Variants in PMM2 observed in about 807,000 individuals in gnomAD.
PMM2 encodes the protein mannose-6-phosphate isomerase.
PMM2 carries 35 observed loss-of-function variants against 33.2 expected under a neutral mutation model. That is an observed-to-expected ratio of 1.06 (90% CI 0.81 to 1.40). The LOEUF (loss-of-function observed/expected upper bound fraction) is 1.40. Among genes scored for constraint, PMM2 ranks in the 40% most tolerant of loss-of-function variants. PMM2 has a pLI of 0.00. For missense variants in PMM2, 386 were observed against 306.0 expected (o/e 1.26, Z -1.95); for synonymous variants, 153 against 114.7 (o/e 1.33, Z -2.13).
chr16:8,824,789 A>T (rs2060757377), intron 7 of PMM2, among the ~76,000 whole-genome samples: 1 of 152,154 alleles, frequency 6.6e-6, no homozygotes, highest in African/African-American at 2.4e-5. Flanking sequence ...TAACTCAAAC[A>T]TTTTGTAACA....
chr16:8,837,725 C>T (rs531956107), intron 7 of PMM2, among the ~76,000 whole-genome samples: 3 of 151,978 alleles, frequency 2.0e-5, no homozygotes, highest in South Asian at 2.1e-4. Flanking sequence ...GGTGTACTTG[C>T]CTCTCCGCCA....
At chr16:8,819,938 C>A (rs1464256333) in intron 7 of PMM2, among the ~76,000 whole-genome samples, 4 of 152,192 alleles carry the variant, frequency 2.6e-5, no homozygotes, top group Admixed American at 6.5e-5. Flanking sequence ...TCTCCTACAT[C>A]GCTTCTAACA....
intron 7 of PMM2, among the ~76,000 whole-genome samples, chr16:8,835,559 G>C (rs1314675040): frequency 6.6e-6 from 1 of 152,152 alleles, no homozygotes; most frequent in Admixed American, 6.5e-5. Flanking sequence ...ATTGAGGACA[G>C]GAGAGTATAT....
At chr16:8,807,296 C>T (rs1393693728) in intron 4 of PMM2, among the ~76,000 whole-genome samples, 1 of 152,010 alleles carries the variant, frequency 6.6e-6, no homozygotes, top group Non-Finnish European at 1.5e-5. Flanking sequence ...CGTGAGCCAC[C>T]TTGCCCAGCC....
chr16:8,837,205 G>C (rs1235047332), intron 7 of PMM2, among the ~76,000 whole-genome samples: 2 of 151,964 alleles, frequency 1.3e-5, no homozygotes, highest in African/African-American at 4.8e-5. Flanking sequence ...GGAAGGGACT[G>C]ATGTGTAAAA....
At chr16:8,822,311 T>C (rs2060743304) in intron 7 of PMM2, among the ~76,000 whole-genome samples, 1 of 152,188 alleles carries the variant, frequency 6.6e-6, no homozygotes, top group Non-Finnish European at 1.5e-5. Flanking sequence ...CTACAAAATA[T>C]CTCAGGCACA....
chr16:8,831,093 T>C (rs2060806927), intron 7 of PMM2, among the ~76,000 whole-genome samples: 1 of 151,498 alleles, frequency 6.6e-6, no homozygotes, highest in Non-Finnish European at 1.5e-5. Flanking sequence ...GAGCCGAGAG[T>C]GTGCCACTGC....
intron 7 of PMM2, among the ~76,000 whole-genome samples, chr16:8,816,272 G>A (rs1222861266): frequency 3.3e-5 from 5 of 151,848 alleles, no homozygotes; most frequent in Non-Finnish European, 7.4e-5. Flanking sequence ...GATTACAGGC[G>A]CCCGCCACCA....
chr16:8,812,780 T>C (rs1249358655), intron 6 of PMM2, among the ~76,000 whole-genome samples: 1 of 152,214 alleles, frequency 6.6e-6, no homozygotes, highest in Non-Finnish European at 1.5e-5. Flanking sequence ...GTGCCTCAAT[T>C]TTAGACCTAT....
At chr16:8,835,696 G>C (rs561177595) in intron 7 of PMM2, among the ~76,000 whole-genome samples, 207 of 152,100 alleles carry the variant, frequency 1.4e-3, no homozygotes, top group African/African-American at 4.7e-3. Context: ...AGAGTTTATA[G>C]GTTTTAAAAG....
chr16:8,803,784 A>T (rs192507551), intron 2 of PMM2, among the ~76,000 whole-genome samples: 1 of 151,660 alleles, frequency 6.6e-6, no homozygotes. Context: ...CCTGGGTTCA[A>T]GTGATTCGTG....
chr16:8,800,066 A>T (rs2060604199), intron 1 of PMM2, among the ~76,000 whole-genome samples: 1 of 152,166 alleles, frequency 6.6e-6, no homozygotes, highest in Admixed American at 6.5e-5. Context: ...ATTTCTAGTA[A>T]AAAGATATTC....
intron 7 of PMM2, among the ~76,000 whole-genome samples, chr16:8,846,552 T>G (rs1218060520): frequency 1.3e-5 from 2 of 152,012 alleles, no homozygotes; most frequent in Non-Finnish European, 2.9e-5. Flanking sequence ...GTGGGGGTGA[T>G]GGGGACACAG....
At chr16:8,818,013 C>T (rs185277469) in intron 7 of PMM2, among the ~76,000 whole-genome samples, 2 of 151,678 alleles carry the variant, frequency 1.3e-5, no homozygotes, top group Admixed American at 1.3e-4. Context: ...ACACCATTCT[C>T]CTGCCTCATC....
intron 6 of PMM2, among the ~76,000 whole-genome samples, chr16:8,812,336 C>A (rs2060682554): frequency 6.6e-6 from 1 of 152,206 alleles, no homozygotes; most frequent in East Asian, 1.9e-4. Context: ...CTGCCAAATG[C>A]TTTGCACACC....
intron 7 of PMM2, among the ~76,000 whole-genome samples, chr16:8,831,621 C>G (rs1001986479): frequency 2.6e-5 from 4 of 152,232 alleles, no homozygotes. Context: ...CCACTGCTAC[C>G]AGCGAAGCAG....
At chr16:8,828,682 C>T (rs1231700711) in intron 7 of PMM2, among the ~76,000 whole-genome samples, 1 of 152,162 alleles carries the variant, frequency 6.6e-6, no homozygotes, top group Non-Finnish European at 1.5e-5. Context: ...TTTGTTGGAG[C>T]AAAGTTTGGA....
chr16:8,810,870 C>G (rs1164340679), intron 4 of PMM2: 1 of 595,386 alleles, frequency 1.7e-6, no homozygotes, highest in Non-Finnish European at 3.0e-6. Context: ...CTAAATCTTT[C>G]AAATCTAATC....
rs1450232022 is a variant in PMM2, at chr16:8,841,749, G to T, written c.640-5975G>T. On this transcript the variant is annotated intron_variant, in intron 7 of 7. Transcript: ENST00000268261. ...GGGGAAATGGGGTGAATGTCAGGTG[G>T]ATCAGAGAAACACAGTCATGGGGGT... Among the ~76,000 whole-genome samples, 18 of 115,038 alleles carry T rather than the reference G, an allele frequency of 1.6e-4. 2 individuals are homozygous for T. The highest frequency in any genetic ancestry group is 2.6e-4 in the Admixed American group (3 of 11,644). The allele number at this position is 115,038 out of a possible 152,430, so 75.5% of individuals were successfully genotyped here. A position where few individuals can be genotyped will look rare whatever the true frequency, so the allele number is the denominator to read the frequency against.
Sources: gnomAD v4.1 joint callset for allele counts (sites outside exome capture counted in the v4.1 genomes callset) on GRCh38, gnomAD v4.1.1 for gene constraint, MANE v1.5 for transcripts, NCBI Gene and HGNC (gene_info 2026-07-23, HGNC 2026-07-21) for gene names.